Variants in KCNA2 observed in about 807,000 individuals in gnomAD.
The protein encoded by KCNA2 is potassium voltage-gated channel subfamily A member 2, also known as potassium channel, voltage gated shaker related subfamily A, member 2.
KCNA2 carries 11 observed loss-of-function variants against 33.4 expected under a neutral mutation model. The ratio of observed to expected loss-of-function variants is 0.33; its 90% CI spans 0.21 to 0.55. KCNA2 has a LOEUF of 0.55. KCNA2 is among the 20% of genes least tolerant of loss of function. The probability of loss-of-function intolerance (pLI) is 0.93; values close to 1 mark genes in which losing one functional copy is unlikely to be tolerated. For synonymous variants in KCNA2, 222 were observed against 231.3 expected, an observed-to-expected ratio of 0.96 and a Z score of 0.37; for missense variants, 291 against 621.6, an observed-to-expected ratio of 0.47 and a Z score of 5.66.
Position 110,599,866 on chromosome 1 carries a change from A to G in KCNA2, c.*3417T>C, listed in dbSNP as rs991679872. On this transcript the variant is annotated 3_prime_UTR_variant, in exon 3 of 3. Transcript: ENST00000316361. ...AGGAAGGGTCATGGCAAGGAGGCCTATATTAGGCTACCAGCTGTCCCAGGT... is the reference window on the plus strand; with the variant it reads ...AGGAAGGGTCATGGCAAGGAGGCCTGTATTAGGCTACCAGCTGTCCCAGGT... 3 of 985,380 alleles carry G rather than the reference A, an allele frequency of 3.0e-6. No homozygotes were observed. The highest frequency in any genetic ancestry group is 1.1e-4 in the East Asian group (1 of 8,796). The allele number at this position is 985,380 out of a possible 1,614,324, so 61.0% of individuals were successfully genotyped here.
rs929838235 is a variant in KCNA2, at chr1:110,593,988, C to T, written c.*9295G>A. ...ACTCCCAACTCCCATGAGTCTTCCC[C>T]GCAAGTCCTGCTCCGCCTTCAGCTC... On this transcript the variant is annotated 3_prime_UTR_variant, in exon 3 of 3. Coordinates refer to ENST00000316361, the MANE Select transcript of KCNA2 (RefSeq NM_004974.4). 18 of 1,547,452 alleles carry T rather than the reference C, an allele frequency of 1.2e-5. No individual in the cohort carries two copies. The highest frequency in any genetic ancestry group is 2.7e-5 in the African/African-American group (2 of 72,888).
At chr1:110,614,492 T>G (rs149105811) in intron 1 of KCNA2, among the ~76,000 whole-genome samples, 1 of 152,340 alleles carries the variant, frequency 6.6e-6, no homozygotes, top group African/African-American at 2.4e-5. Flanking sequence ...TGGCCTTTGG[T>G]CAATAGAGAA....
rs781658959 is a variant in KCNA2 at position 110,595,945 on chromosome 1, C to T, written c.*7338G>A. 21 of 985,394 alleles carry T rather than the reference C, an allele frequency of 2.1e-5. No individual in the cohort carries two copies. In the South Asian group the frequency reaches 6.1e-4, roughly 29 times the overall value. 61.0% of individuals were successfully genotyped at this position (985,394 alleles called of 1,614,324 possible). ...AGGTCTTCAAGCTTTCCACTCCCCT[C>T]GAGTACAAAGTTTGGAATAACTTTT... On this transcript the variant is annotated 3_prime_UTR_variant, in exon 3 of 3. Transcript: ENST00000316361.
Position 110,604,815 on chromosome 1 carries a change from C to T in KCNA2, c.-33G>A, listed in dbSNP as rs372533898. ...ACTGAGAGAAGCACCTCACGCTATG[C>T]CTTTCAGCTGCCTGGTGGCAGGGAG... On this transcript the variant is annotated 5_prime_UTR_variant, in exon 3 of 3. Coordinates refer to ENST00000316361, the MANE Select transcript of KCNA2 (RefSeq NM_004974.4). This position sits in a 1 kb window ranked among gnomAD's most constrained non-coding sequence, Gnocchi z 7.6. 3.1e-5 allele frequency: 48 copies of T among 1,569,468 alleles called. No homozygotes were observed. The highest frequency in any genetic ancestry group is 4.2e-5 in the Non-Finnish European group (48 of 1,156,548).
In KCNA2 at chr1:110,596,669, G is replaced by A. The variant is rs1557726763; in HGVS notation, c.*6614C>T. The A allele has an allele frequency of 1.1e-6, 1 of 921,010 alleles. No individual in the cohort carries two copies. Among genetic ancestry groups the A allele is most frequent in the Non-Finnish European group, 1.3e-6 (1 of 771,396 alleles). 57.1% of individuals were successfully genotyped at this position (921,010 alleles called of 1,614,324 possible). On this transcript the variant is annotated 3_prime_UTR_variant, in exon 3 of 3. Transcript: ENST00000316361. ...TCAAACACTCTACTTAACTAAGGCA[G>A]GAAAGTTATGCTAACCTACTTAGGA...
chr1:110,620,785 A>T (rs1443683271), intron 1 of KCNA2, among the ~76,000 whole-genome samples: 1 of 151,472 alleles, frequency 6.6e-6, no homozygotes, highest in Admixed American at 6.6e-5. Context: ...CTTCCCACAC[A>T]CCCCCAGCGG....
chr1:110,626,241 T>C (rs1650385906), intron 1 of KCNA2, among the ~76,000 whole-genome samples: 1 of 152,236 alleles, frequency 6.6e-6, no homozygotes, highest in African/African-American at 2.4e-5. Context: ...AACTGTGTTA[T>C]AGCCATACAT....
upstream of KCNA2, among the ~76,000 whole-genome samples, chr1:110,609,177 C>T (rs564587930): frequency 3.3e-5 from 5 of 152,296 alleles, no homozygotes; most frequent in Admixed American, 6.5e-5. Context: ...ACTGGGTTCT[C>T]GTGTCATTTA....
At chr1:110,610,029 G>T (rs899514656), upstream of KCNA2, among the ~76,000 whole-genome samples, 11 of 152,176 alleles carry the variant, frequency 7.2e-5, no homozygotes, top group Admixed American at 6.5e-4. Flanking sequence ...CCAGTTCTAT[G>T]GTGGGCTCCA....
intron 1 of KCNA2, among the ~76,000 whole-genome samples, chr1:110,628,976 G>T (rs1443929239): frequency 6.6e-6 from 1 of 152,102 alleles, no homozygotes. Context: ...ACCATGCCTG[G>T]TTTTACCTCT....
In KCNA2 at chr1:110,594,567, C is replaced by T; in HGVS notation, c.*8716G>A. 1.0e-6 allele frequency: 1 copy of T among 985,308 alleles called. No homozygotes were observed. Among genetic ancestry groups the T allele is most frequent in the Non-Finnish European group, 1.2e-6 (1 of 829,916 alleles). The allele number at this position is 985,308 out of a possible 1,614,324, so 61.0% of individuals were successfully genotyped here. A position where few individuals can be genotyped will look rare whatever the true frequency, so the allele number is the denominator to read the frequency against. ...AGGGATGCAGAAAACCAGGAAGAGG[C>T]CAATTTGGCTGGGGTATTGTTTGCT... On this transcript the variant is annotated 3_prime_UTR_variant, in exon 3 of 3. Transcript: ENST00000316361.
chr1:110,594,162 T>C lies in KCNA2; in HGVS notation c.*9121A>G. 1 of 1,328,704 alleles carries C rather than the reference T, an allele frequency of 7.5e-7. No individual in the cohort carries two copies. Among genetic ancestry groups the C allele is most frequent in the Non-Finnish European group, 9.6e-7 (1 of 1,041,286 alleles). The allele number at this position is 1,328,704 out of a possible 1,614,324, so 82.3% of individuals were successfully genotyped here. A position where few individuals can be genotyped will look rare whatever the true frequency, so the allele number is the denominator to read the frequency against. On this transcript the variant is annotated 3_prime_UTR_variant, in exon 3 of 3. Transcript: ENST00000316361. ...TACCTCTTTGAGTTTTCAGCAATTA[T>C]TAGAGACAGGACATGGGAGGGCAGC... is the stretch of plus-strand genomic sequence containing the variant.
chr1:110,610,365 C>T (rs899462875), upstream of KCNA2, among the ~76,000 whole-genome samples: 3 of 152,230 alleles, frequency 2.0e-5, no homozygotes, highest in African/African-American at 7.2e-5. Flanking sequence ...CCCTTCCTGG[C>T]ATGACTGCTG....
At position 110,601,075 on chromosome 1, in the gene KCNA2, A is replaced by C; in HGVS notation, c.*2208T>G. ...CCATTTCAGGGTCAACCTACTGTCT[A>C]CCTTTAGGCTGTGCAGTGCTCATTT... is the stretch of plus-strand genomic sequence containing the variant. On this transcript the variant is annotated 3_prime_UTR_variant, in exon 3 of 3. Coordinates refer to ENST00000316361, the MANE Select transcript of KCNA2 (RefSeq NM_004974.4). 1.0e-6 allele frequency: 1 copy of C among 985,374 alleles called. No individual in the cohort carries two copies. Among genetic ancestry groups the C allele is most frequent in the Non-Finnish European group, 1.2e-6 (1 of 829,924 alleles). 61.0% of individuals were successfully genotyped at this position (985,374 alleles called of 1,614,324 possible). A position where few individuals can be genotyped will look rare whatever the true frequency, so the allele number is the denominator to read the frequency against.
At chr1:110,631,021 C>T (rs1028166406) in intron 1 of KCNA2, among the ~76,000 whole-genome samples, 2 of 152,174 alleles carry the variant, frequency 1.3e-5, no homozygotes, top group African/African-American at 4.8e-5. Flanking sequence ...TGGCCTTGGT[C>T]GGCTGTTTGG....
At chr1:110,623,367 A>G (rs1159963781) in intron 1 of KCNA2, among the ~76,000 whole-genome samples, 1 of 152,172 alleles carries the variant, frequency 6.6e-6, no homozygotes, top group Admixed American at 6.5e-5. Flanking sequence ...TCTAGAAAAA[A>G]CAGAAAATGT....
In KCNA2 at chr1:110,595,816, T is replaced by G. The variant is rs1649072932; in HGVS notation, c.*7467A>C. 3 of 985,366 alleles carry G rather than the reference T, an allele frequency of 3.0e-6. No individual in the cohort carries two copies. Among genetic ancestry groups the G allele is most frequent in the African/African-American group, 3.5e-5 (2 of 57,252 alleles). The allele number at this position is 985,366 out of a possible 1,614,324, so 61.0% of individuals were successfully genotyped here. ...AACCTCACCTTCTGTGTGGCAGAGA[T>G]GTGCTTTAGTTCTTCATTGGAATGT... On this transcript the variant is annotated 3_prime_UTR_variant, in exon 3 of 3. Transcript: ENST00000316361.
chr1:110,602,935 T>A lies in KCNA2; in HGVS notation c.*348A>T. 9.5e-7 allele frequency: 1 copy of A among 1,053,304 alleles called. No individual in the cohort carries two copies. Among genetic ancestry groups the A allele is most frequent in the Non-Finnish European group, 1.1e-6 (1 of 875,052 alleles). The allele number at this position is 1,053,304 out of a possible 1,614,324, so 65.2% of individuals were successfully genotyped here. Reference sequence around the variant, plus strand: ...GGTGGTGGGATGGTGGGGAGGGGAGTGCATCTCTTGGATGTTGTGTGCATT... The same window carrying A: ...GGTGGTGGGATGGTGGGGAGGGGAGAGCATCTCTTGGATGTTGTGTGCATT... On this transcript the variant is annotated 3_prime_UTR_variant, in exon 3 of 3. Transcript: ENST00000316361.
chr1:110,628,815 A>G (rs1396448908), intron 1 of KCNA2, among the ~76,000 whole-genome samples: 4 of 152,118 alleles, frequency 2.6e-5, no homozygotes, highest in South Asian at 2.1e-4. Flanking sequence ...CTCTCCCCCA[A>G]CCAGATCCTT....
Sources: gnomAD v4.1 joint callset for allele counts (sites outside exome capture counted in the v4.1 genomes callset) on GRCh38, gnomAD v4.1.1 for gene constraint, Gnocchi (gnomAD v3.1) non-coding constraint, MANE v1.5 for transcripts, NCBI Gene and HGNC (gene_info 2026-07-23, HGNC 2026-07-21) for gene names.